The following ERGIC1 variants were observed in gnomAD, a reference collection of about 807,000 sequenced individuals.
The protein encoded by ERGIC1 is endoplasmic reticulum-Golgi intermediate compartment protein 1.
ERGIC1 carries 19 observed loss-of-function variants against 38.3 expected under a neutral mutation model. That is an observed-to-expected ratio of 0.50 (90% CI 0.35 to 0.73). ERGIC1 has a LOEUF of 0.73. ERGIC1 is among the 30% of genes least tolerant of loss of function. ERGIC1 has a pLI of 0.01. For missense variants in ERGIC1, 294 were observed against 389.2 expected, an observed-to-expected ratio of 0.76 and a Z score of 2.06; for synonymous variants, 124 against 157.6, an observed-to-expected ratio of 0.79 and a Z score of 1.60.
chr5:172,910,572 C>T (rs1056584914), intron 4 of ERGIC1, among the ~76,000 whole-genome samples: 5 of 149,524 alleles, frequency 3.3e-5, no homozygotes, highest in Admixed American at 6.7e-5. Context: ...TCACCCAGGC[C>T]GGAGTGCAAT....
chr5:172,871,518 A>G (rs968337159), intron 1 of ERGIC1, among the ~76,000 whole-genome samples: 1 of 152,252 alleles, frequency 6.6e-6, no homozygotes, highest in African/African-American at 2.4e-5. Context: ...GCTTATCAGC[A>G]CTGACATATA....
chr5:172,897,443 A>AAAAAG (rs780361647), intron 3 of ERGIC1, among the ~76,000 whole-genome samples: 3 of 142,414 alleles, frequency 2.1e-5, no homozygotes, highest in African/African-American at 8.1e-5. Context: ...AAAAAAAAAA[A>AAAAAG]AGAGAGAGAG....
intron 5 of ERGIC1, among the ~76,000 whole-genome samples, chr5:172,921,194 C>T (rs1422394295): frequency 8.5e-5 from 13 of 152,274 alleles, no homozygotes; most frequent in Non-Finnish European, 1.8e-4. Flanking sequence ...GGAGTGGTTA[C>T]TGACCTCGCC....
At position 172,892,066 on chromosome 5, in the gene ERGIC1, T is replaced by TGTTTTG. The variant is rs1428801118; in HGVS notation, c.82+3306_82+3307insGTTTTG. Among the ~76,000 whole-genome samples, 301 of 142,296 alleles carry TGTTTTG rather than the reference T, an allele frequency of 2.1e-3. 1 individual carries two copies. The highest frequency in any genetic ancestry group is 3.0e-3 in the Non-Finnish European group (201 of 66,152). 93.4% of individuals were successfully genotyped at this position (142,296 alleles called of 152,430 possible). A position where few individuals can be genotyped will look rare whatever the true frequency, so the allele number is the denominator to read the frequency against. ...AATTACTGGGTTAAAGAGTATGTTT[T>TGTTTTG]TTTTTTTTTTTTTTTTTTTTGAAAC... On this transcript the variant is annotated intron_variant, in intron 2 of 9. Coordinates refer to ENST00000393784, the MANE Select transcript of ERGIC1 (RefSeq NM_001031711.3).
At chr5:172,914,254 A>AAATAAAAT (rs1554112479) in intron 4 of ERGIC1, among the ~76,000 whole-genome samples, 1 of 131,240 alleles carries the variant, frequency 7.6e-6, no homozygotes, top group East Asian at 2.1e-4. Context: ...AAAAAAAAAA[A>AAATAAAAT]AAATACAAAG....
intron 1 of ERGIC1, among the ~76,000 whole-genome samples, chr5:172,855,727 G>C (rs1448066673): frequency 6.6e-6 from 1 of 152,230 alleles, no homozygotes; most frequent in East Asian, 1.9e-4. Flanking sequence ...ACTGATGAGG[G>C]AATGCACCAG....
At chr5:172,866,353 A>G (rs1396115018) in intron 1 of ERGIC1, among the ~76,000 whole-genome samples, 2 of 152,160 alleles carry the variant, frequency 1.3e-5, no homozygotes, top group Non-Finnish European at 2.9e-5. Flanking sequence ...TTTTTCTCTC[A>G]TCTTGGACCT....
chr5:172,865,371 T>TA (rs1490643055), intron 1 of ERGIC1, among the ~76,000 whole-genome samples: 7 of 152,246 alleles, frequency 4.6e-5, no homozygotes, highest in Non-Finnish European at 1.5e-5. Flanking sequence ...AAAGAAATTC[T>TA]AAAACAGTCT....
chr5:172,865,518 G>A (rs1311676291), intron 1 of ERGIC1, among the ~76,000 whole-genome samples: 1 of 152,180 alleles, frequency 6.6e-6, no homozygotes, highest in Non-Finnish European at 1.5e-5. Context: ...TAAGTATACA[G>A]CTCAATGGCT....
chr5:172,844,646 G>A (rs1358517121), intron 1 of ERGIC1, among the ~76,000 whole-genome samples: 2 of 152,148 alleles, frequency 1.3e-5, no homozygotes, highest in East Asian at 3.9e-4. Flanking sequence ...CAGCCTCGGG[G>A]CCCCATCCCA....
At chr5:172,940,600 G>A (rs1464064946) in intron 9 of ERGIC1, among the ~76,000 whole-genome samples, 1 of 152,212 alleles carries the variant, frequency 6.6e-6, no homozygotes, top group African/African-American at 2.4e-5. Flanking sequence ...AGTTGGGCCA[G>A]TATGACCGGG....
chr5:172,840,027 A>G lies in ERGIC1; in HGVS notation c.20+5594A>G, dbSNP rs571655524. ...CACTAATCCTCACCCAACAGTGCTC[A>G]TTAAGAAGCTTAAAGCCATCAACTT... On this transcript the variant is annotated intron_variant, in intron 1 of 9. Coordinates refer to ENST00000393784, the MANE Select transcript of ERGIC1 (RefSeq NM_001031711.3). Among the ~76,000 whole-genome samples, 3 of 152,366 alleles carry G rather than the reference A, an allele frequency of 2.0e-5. No individual in the cohort carries two copies. The South Asian group carries it at 6.2e-4, about 32-fold the overall frequency.
intron 1 of ERGIC1, among the ~76,000 whole-genome samples, chr5:172,886,020 C>T (rs748466657): frequency 6.6e-6 from 1 of 152,104 alleles, no homozygotes. Context: ...AGCTGGGGCT[C>T]GGTGATGGCC....
Position 172,854,165 on chromosome 5 carries a change from G to A in ERGIC1, c.20+19732G>A, listed in dbSNP as rs565782288. On this transcript the variant is annotated intron_variant, in intron 1 of 9. Transcript: ENST00000393784. ...GGAGACCAAGACAGGAGGATCACCT[G>A]AGTCCAGGAGTTCGAGACCAGCCTG... Among the ~76,000 whole-genome samples the A allele has an allele frequency of 1.3e-3, 197 of 151,640 alleles. 1 individual carries two copies. Among genetic ancestry groups the A allele is most frequent in the Non-Finnish European group, 2.3e-3 (159 of 67,936 alleles).
intron 1 of ERGIC1, among the ~76,000 whole-genome samples, chr5:172,839,949 TA>T (rs771578841): frequency 1.3e-5 from 2 of 152,216 alleles, no homozygotes; most frequent in Non-Finnish European, 2.9e-5. Context: ...TTCCATTCAC[TA>T]AATTCAGAGA....
intron 7 of ERGIC1, 40 bp from the exon 8 acceptor site, chr5:172,932,396 G>T: frequency 1.9e-6 from 3 of 1,604,156 alleles, no homozygotes; most frequent in African/African-American, 1.3e-5. Flanking sequence ...AGCGGGCAGT[G>T]CCCGTCCCCC....
intron 3 of ERGIC1, among the ~76,000 whole-genome samples, chr5:172,902,612 G>C (rs537339185): frequency 6.6e-6 from 1 of 152,184 alleles, no homozygotes; most frequent in Non-Finnish European, 1.5e-5. Flanking sequence ...TGGAGCAGGG[G>C]TGGGCAGAAC....
Position 172,952,087 on chromosome 5 carries a change from C to T in ERGIC1, c.*1271C>T, listed in dbSNP as rs1282313843. On this transcript the variant is annotated 3_prime_UTR_variant, in exon 10 of 10. Transcript: ENST00000393784. ...TGAAAGGGAGGAGCAATGGTCCAGG[C>T]ATTAATTCCACCCAGGGAATTTTAG... The T allele has an allele frequency of 6.6e-6, 1 of 152,224 alleles. No homozygotes were observed. Among genetic ancestry groups the T allele is most frequent in the Non-Finnish European group, 1.5e-5 (1 of 68,052 alleles). 9.4% of individuals were successfully genotyped at this position (152,224 alleles called of 1,614,324 possible).
chr5:172,930,684 A>T (rs2113465098), intron 7 of ERGIC1, among the ~76,000 whole-genome samples: 1 of 152,278 alleles, frequency 6.6e-6, no homozygotes, highest in East Asian at 1.9e-4. Context: ...GGTGATTTTG[A>T]TAAGGCATTC....
Sources: allele counts gnomAD v4.1 joint callset (sites outside exome capture counted in the v4.1 genomes callset), GRCh38; gene constraint gnomAD v4.1.1; transcripts MANE v1.5; gene names NCBI Gene and HGNC (gene_info 2026-07-23, HGNC 2026-07-21).